The following KCNMA1 variants were observed in gnomAD, a reference collection of about 807,000 sequenced individuals.
KCNMA1 encodes the protein Calcium-activated potassium channel subunit alpha-1.
A neutral mutation model predicts 140.0 loss-of-function variants in KCNMA1; 29 were observed. The ratio of observed to expected loss-of-function variants is 0.21; its 90% confidence interval spans 0.15 to 0.28. KCNMA1 has a LOEUF of 0.28. Among genes scored for constraint, KCNMA1 ranks in the 10% least tolerant of loss-of-function variants. The probability of loss-of-function intolerance (pLI) is 1.00; values close to 1 mark genes in which losing one functional copy is unlikely to be tolerated. For missense variants in KCNMA1, 880 were observed against 1,602.2 expected, an observed-to-expected ratio of 0.55 and a Z score of 7.70; for synonymous variants, 612 against 611.9, an observed-to-expected ratio of 1.00 and a Z score of 0.00.
chr10:77,486,427 C>T (rs2098461348), intron 1 of KCNMA1, among the ~76,000 whole-genome samples: 1 of 152,120 alleles, frequency 6.6e-6, no homozygotes, highest in African/African-American at 2.4e-5. Flanking sequence ...AAAATGGAGC[C>T]AATTATACCC....
intron 5 of KCNMA1, among the ~76,000 whole-genome samples, chr10:77,125,010 G>A (rs1331933226): frequency 6.6e-6 from 1 of 152,126 alleles, no homozygotes; most frequent in Non-Finnish European, 1.5e-5. Context: ...AGAGGGAAAA[G>A]CCCCTTATAA....
chr10:77,345,283 G>C (rs1472583782), intron 2 of KCNMA1, among the ~76,000 whole-genome samples: 1 of 152,102 alleles, frequency 6.6e-6, no homozygotes, highest in Non-Finnish European at 1.5e-5. Context: ...ATTCAGTTGA[G>C]GGTAGTCCCA....
In KCNMA1 at chr10:77,636,687, G is replaced by T. The variant is rs2093778433; in HGVS notation, c.378+578C>A. 2.0e-6 allele frequency: 3 copies of T among 1,531,704 alleles called. No individual in the cohort carries two copies. The South Asian group carries it at 3.6e-5, about 18-fold the overall frequency. 94.9% of individuals were successfully genotyped at this position (1,531,704 alleles called of 1,614,324 possible). A position where few individuals can be genotyped will look rare whatever the true frequency, so the allele number is the denominator to read the frequency against. On this transcript the variant is annotated intron_variant, in intron 1 of 27. Transcript: ENST00000286628. ...ATCTCCCCAACTTCTCTCGCCCCTCGAAGTCCCCCTGTTATCTCGGGCCAT... is the reference window on the plus strand; with the variant it reads ...ATCTCCCCAACTTCTCTCGCCCCTCTAAGTCCCCCTGTTATCTCGGGCCAT...
intron 18 of KCNMA1, among the ~76,000 whole-genome samples, chr10:77,011,408 G>A (rs951187019): frequency 4.6e-5 from 7 of 152,152 alleles, no homozygotes; most frequent in Admixed American, 4.6e-4. Flanking sequence ...GTCGACCTTT[G>A]GACGATGGCA....
chr10:77,018,564 A>G (rs1188342416), intron 17 of KCNMA1, among the ~76,000 whole-genome samples: 1 of 152,242 alleles, frequency 6.6e-6, no homozygotes, highest in Non-Finnish European at 1.5e-5. Context: ...AAATAGAGCC[A>G]GTTTCATATT....
chr10:77,392,356 C>G (rs2095867013), intron 2 of KCNMA1, among the ~76,000 whole-genome samples: 1 of 152,032 alleles, frequency 6.6e-6, no homozygotes, highest in African/African-American at 2.4e-5. Flanking sequence ...CACATATTTG[C>G]CCAGGCCCCT....
intron 2 of KCNMA1, among the ~76,000 whole-genome samples, chr10:77,310,647 T>C (rs1438037879): frequency 3.3e-5 from 5 of 152,224 alleles, no homozygotes; most frequent in African/African-American, 1.2e-4. Flanking sequence ...AGACGAGCTT[T>C]GGAGGAAATA....
At chr10:77,024,682 C>T (rs1049630118) in intron 16 of KCNMA1, among the ~76,000 whole-genome samples, 1 of 151,768 alleles carries the variant, frequency 6.6e-6, no homozygotes, top group Middle Eastern at 3.2e-3. Context: ...AGAAATATGC[C>T]CAAACACACT....
intron 25 of KCNMA1, among the ~76,000 whole-genome samples, chr10:76,906,416 G>C (rs1564825263): frequency 6.6e-6 from 1 of 152,186 alleles, no homozygotes; most frequent in Non-Finnish European, 1.5e-5. Flanking sequence ...TGATTTGTGA[G>C]ATAAAGCCAC....
At chr10:77,012,430 C>T in intron 17 of KCNMA1, 2 of 1,548,376 alleles carry the variant, frequency 1.3e-6, no homozygotes, top group Non-Finnish European at 1.7e-6. Context: ...CCAAAATTCC[C>T]ACAGTCTGGT....
At position 77,441,815 on chromosome 10, in the gene KCNMA1, C is replaced by T. The variant is rs539698375; in HGVS notation, c.379-37792G>A. Among the ~76,000 whole-genome samples, 3 of 152,208 alleles carry T rather than the reference C, an allele frequency of 2.0e-5. No homozygotes were observed. In the East Asian group the frequency reaches 5.8e-4, roughly 29 times the overall value. ...ATTATTTGGCAGCTATAAATAGAAG[C>T]ATTGGACAATAGCCTGAGATCTTTT... On this transcript the variant is annotated intron_variant, in intron 1 of 27. Transcript: ENST00000286628.
At chr10:77,014,536 CCTGT>C (rs529075188) in intron 17 of KCNMA1, among the ~76,000 whole-genome samples, 24 of 152,186 alleles carry the variant, frequency 1.6e-4, no homozygotes, top group South Asian at 8.3e-4. Flanking sequence ...ACTTATTCCA[CCTGT>C]CTAACTGAAA....
At chr10:77,155,721 T>C (rs2098475317) in intron 5 of KCNMA1, among the ~76,000 whole-genome samples, 1 of 152,100 alleles carries the variant, frequency 6.6e-6, no homozygotes, top group African/African-American at 2.4e-5. Flanking sequence ...ATGCAAAAAA[T>C]GAACCTGGGT....
intron 1 of KCNMA1, among the ~76,000 whole-genome samples, chr10:77,534,448 C>A (rs565638918): frequency 2.3e-4 from 35 of 152,264 alleles, no homozygotes; most frequent in African/African-American, 8.4e-4. Flanking sequence ...CAAACGATAA[C>A]CAACTGGTGT....
At chr10:76,919,069 ACAT>A (rs1262482247) in intron 23 of KCNMA1, among the ~76,000 whole-genome samples, 1 of 152,120 alleles carries the variant, frequency 6.6e-6, no homozygotes, top group Non-Finnish European at 1.5e-5. Flanking sequence ...GGAAAACCAA[ACAT>A]CATATGTTCT....
chr10:77,632,860 G>C (rs2093355615), intron 1 of KCNMA1, among the ~76,000 whole-genome samples: 1 of 152,284 alleles, frequency 6.6e-6, no homozygotes, highest in East Asian at 1.9e-4. Context: ...CTCCCTATAA[G>C]AACCCTACAA....
At chr10:77,295,924 GTACA>G (rs2074984080) in intron 2 of KCNMA1, among the ~76,000 whole-genome samples, 1 of 139,302 alleles carries the variant, frequency 7.2e-6, no homozygotes, top group Non-Finnish European at 1.6e-5. Context: ...ATTTTTACAA[GTACA>G]TACTTAATCT....
chr10:77,466,401 G>C (rs2098014557), intron 1 of KCNMA1, among the ~76,000 whole-genome samples: 1 of 152,188 alleles, frequency 6.6e-6, no homozygotes, highest in South Asian at 2.1e-4. Context: ...GATGGTTAGA[G>C]AGCCCAAACG....
intron 1 of KCNMA1, among the ~76,000 whole-genome samples, chr10:77,417,233 G>A (rs927740678): frequency 1.3e-5 from 2 of 152,142 alleles, no homozygotes; most frequent in Non-Finnish European, 2.9e-5. Context: ...ATTCCACATG[G>A]GACAGGTACT....
Sources: allele counts gnomAD v4.1 joint callset (sites outside exome capture counted in the v4.1 genomes callset), GRCh38; gene constraint gnomAD v4.1.1; transcripts MANE v1.5; gene names NCBI Gene and HGNC (gene_info 2026-07-23, HGNC 2026-07-21).